The following HAS1 variants were observed in gnomAD, a reference collection of about 807,000 sequenced individuals.
HAS1 encodes the protein HA synthase 1.
Under a neutral mutation model 35.0 loss-of-function variants are expected in HAS1, and 27 were observed. The observed-to-expected ratio is 0.77, with a 90% confidence interval of 0.57 to 1.06. The LOEUF (loss-of-function observed/expected upper bound fraction) is 1.06, where lower values mean the gene tolerates loss of function less well. Among genes scored for constraint, HAS1 ranks in the 50% least tolerant of loss-of-function variants. The probability of loss-of-function intolerance (pLI) is 0.00; values close to 1 mark genes in which losing one functional copy is unlikely to be tolerated. For synonymous variants in HAS1, 409 were observed against 371.2 expected (o/e 1.10, Z -1.17); for missense variants, 940 against 814.8 (o/e 1.15, Z -1.87).
intron 3 of HAS1, 24 bp from the exon 4 acceptor site, chr19:51,716,412 G>C (rs746580048): frequency 6.3e-7 from 1 of 1,597,322 alleles, no homozygotes; most frequent in Non-Finnish European, 8.5e-7. Flanking sequence ...AGGTGTGAAA[G>C]AGTGTCAGCC....
intron 1 of HAS1, 22 bp downstream of exon 1, chr19:51,723,903 A>ACACG (rs2083648075): frequency 3.5e-6 from 5 of 1,432,290 alleles, no homozygotes; most frequent in Non-Finnish European, 4.7e-6. Flanking sequence ...ACACACACAC[A>ACACG]CACACACACA....
intron 4 of HAS1, among the ~76,000 whole-genome samples, chr19:51,714,490 A>G (rs1213559080): frequency 6.8e-6 from 1 of 147,790 alleles, no homozygotes; most frequent in Non-Finnish European, 1.5e-5. Flanking sequence ...AGAGTTTGAG[A>G]TCAGCCTAGG....
At chr19:51,715,135 T>G (rs1196334863) in intron 4 of HAS1, among the ~76,000 whole-genome samples, 1 of 152,162 alleles carries the variant, frequency 6.6e-6, no homozygotes, top group African/African-American at 2.4e-5. Flanking sequence ...CCTTCCCCTG[T>G]GTCACTTGGC....
In HAS1 at chr19:51,719,561, G is replaced by A; in HGVS notation, c.344C>T (p.Ala115Val). 6.5e-7 allele frequency: 1 copy of A among 1,545,526 alleles called. No homozygotes were observed. Among genetic ancestry groups the A allele is most frequent in the Middle Eastern group, 1.7e-4 (1 of 5,846 alleles). ...CGGGTACAGCAGGGCGCGGGCGGAC[G>A]CCAGGCACTGGCGCAGGTACGCGGG... ...EDPAYLRQCL[A>V]SARALLYPRA... is the part of the protein sequence containing the mutation. The change falls in exon 2 of 5, where the codon GCG becomes GTG. Residue 115 changes from alanine (A) to valine (V), a missense_variant. By Grantham distance (64) the Ala-to-Val change is moderately conservative (BLOSUM62 0). Coordinates refer to ENST00000540069, the MANE Select transcript of HAS1 (RefSeq NM_001297436.2).
In HAS1 at chr19:51,716,137, C is replaced by G. The variant is rs535588998; in HGVS notation, c.1058+119G>C. On this transcript the variant is annotated intron_variant, in intron 4 of 4. Transcript: ENST00000540069. Reference sequence around the variant, plus strand: ...TCCTCCTCTCTCCTCTAAAGTCTCACTTGATAGAGCCCATTGTCTGGTGAG... The same window carrying G: ...TCCTCCTCTCTCCTCTAAAGTCTCAGTTGATAGAGCCCATTGTCTGGTGAG... 44 of 907,118 alleles carry G rather than the reference C, an allele frequency of 4.9e-5. No individual in the cohort carries two copies. In the African/African-American group the frequency reaches 6.6e-4, roughly 14 times the overall value. The allele number at this position is 907,118 out of a possible 1,614,324, so 56.2% of individuals were successfully genotyped here. A position where few individuals can be genotyped will look rare whatever the true frequency, so the allele number is the denominator to read the frequency against.
chr19:51,714,577 G>C (rs1201284938), intron 4 of HAS1, among the ~76,000 whole-genome samples: 2 of 147,214 alleles, frequency 1.4e-5, no homozygotes, highest in African/African-American at 2.5e-5. Flanking sequence ...TGTAGTCCCA[G>C]CTATTTGGGA....
At chr19:51,717,271 C>T (rs1052385173) in intron 2 of HAS1, 78 bp from the exon 3 acceptor site, 27 of 965,170 alleles carry the variant, frequency 2.8e-5, no homozygotes, top group Non-Finnish European at 2.4e-5. Context: ...TCAAGGGGTG[C>T]AATGCAGCTG....
chr19:51,716,751 A>G (rs934905340), intron 3 of HAS1, among the ~76,000 whole-genome samples: 2 of 151,656 alleles, frequency 1.3e-5, no homozygotes, highest in Non-Finnish European at 2.9e-5. Flanking sequence ...CCCAGCCCCA[A>G]TCGTCATCCA....
chr19:51,713,798 GGCAGCCCC>G lies in HAS1; in HGVS notation c.1355_1362del (p.Arg452ProfsTer44), dbSNP rs2083560776. 6.2e-7 allele frequency: 1 copy of G among 1,605,932 alleles called. No individual in the cohort carries two copies. On this transcript the variant is annotated frameshift_variant, in exon 5 of 5. Coordinates refer to ENST00000540069, the MANE Select transcript of HAS1 (RefSeq NM_001297436.2). LOFTEE classifies it low-confidence loss of function (END_TRUNC). This position sits in a 1 kb window ranked among gnomAD's most constrained non-coding sequence, Gnocchi z 4.5. Reference sequence around the variant, plus strand: ...TAGAGCGACAGAAGCACCATGCGCAGGCAGCCCCGCAGCCAGGCCGCGAAGGCCGCCTT... The same window carrying G: ...TAGAGCGACAGAAGCACCATGCGCAGGCAGCCAGGCCGCGAAGGCCGCCTT...
Position 51,716,982 on chromosome 19 carries a change from A to T in HAS1, c.911T>A (p.Ile304Asn). 1 of 1,612,048 alleles carries T rather than the reference A, an allele frequency of 6.2e-7. No individual in the cohort carries two copies. The highest frequency in any genetic ancestry group is 1.1e-5 in the South Asian group (1 of 91,032). Residue 304 changes from isoleucine to asparagine, a missense_variant, in exon 3 of 5, where the codon ATC (isoleucine) becomes AAC (asparagine). Transcript: ENST00000540069. ...CCCCTGCTTACCTAGAGGACCGCTGATGCAGGATACACAGTGGAAGTAGCT... is the reference window on the plus strand; with the variant it reads ...CCCCTGCTTACCTAGAGGACCGCTGTTGCAGGATACACAGTGGAAGTAGCT... ...CQSYFHCVSC[I>N]SGPLGLYRNN...
At chr19:51,720,662 T>TAAA (rs71852974) in intron 1 of HAS1, among the ~76,000 whole-genome samples, 8 of 147,868 alleles carry the variant, frequency 5.4e-5, no homozygotes, top group African/African-American at 1.7e-4. Context: ...CCTTGCTAAT[T>TAAA]AAAAAAAAAA....
At chr19:51,714,256 AATGGTTCC>A (rs1343268840) in intron 4 of HAS1, 154 bp from the exon 5 acceptor site, 12 of 1,266,230 alleles carry the variant, frequency 9.5e-6, no homozygotes, top group African/African-American at 4.5e-5. Flanking sequence ...TAGGGTGGAT[AATGGTTCC>A]TAGGCCTGGA....
intron 1 of HAS1, among the ~76,000 whole-genome samples, chr19:51,722,878 G>C (rs2083640203): frequency 6.6e-6 from 1 of 152,104 alleles, no homozygotes; most frequent in Non-Finnish European, 1.5e-5. Context: ...TCACCTGTTT[G>C]TTTTTACTTT....
chr19:51,721,898 C>T (rs1473372623), intron 1 of HAS1, among the ~76,000 whole-genome samples: 1 of 152,136 alleles, frequency 6.6e-6, no homozygotes, highest in Admixed American at 6.5e-5. Flanking sequence ...CTACTGCACC[C>T]GGTCTCTACA....
chr19:51,719,568 A>C lies in HAS1; in HGVS notation c.337T>G (p.Cys113Gly). 1.9e-6 allele frequency: 3 copies of C among 1,545,096 alleles called. No homozygotes were observed. Among genetic ancestry groups the C allele is most frequent in the Non-Finnish European group, 1.7e-6 (2 of 1,144,598 alleles). ...AGCAGGGCGCGGGCGGACGCCAGGCACTGGCGCAGGTACGCGGGGTCCTCC... is the reference window on the plus strand; with the variant it reads ...AGCAGGGCGCGGGCGGACGCCAGGCCCTGGCGCAGGTACGCGGGGTCCTCC... ...YQEDPAYLRQCLASARALLYP... is the reference protein window; with the variant it reads ...YQEDPAYLRQGLASARALLYP... The change falls in exon 2 of 5, where the codon TGC becomes GGC. Residue 113 changes from cysteine (C) to glycine (G), a missense_variant. By Grantham distance (159) the Cys-to-Gly change is radical. Transcript: ENST00000540069.
rs754654499 is a variant in HAS1 at position 51,717,079 on chromosome 19, G to A, written c.814C>T (p.Leu272=). Residue 272 remains leucine (L), a synonymous_variant, in exon 3 of 5, where the codon CTG becomes TTG. Coordinates refer to ENST00000540069, the MANE Select transcript of HAS1 (RefSeq NM_001297436.2). The part of the protein sequence containing the change: ...VGGDVRILNP[L]DSWVSFLSSL... ...CTTAGGAAGCTGACCCAGGAGTCCA[G>A]AGGGTTAAGGATCCGCACGTCCCCA... 8 of 1,613,982 alleles carry A rather than the reference G, an allele frequency of 5.0e-6. No individual in the cohort carries two copies. The highest frequency in any genetic ancestry group is 6.8e-6 in the Non-Finnish European group (8 of 1,179,892).
rs45625331 is a variant in HAS1 at position 51,713,921 on chromosome 19, C to T, written c.1240G>A (p.Val414Met). The change falls in exon 5 of 5, where the codon GTG (valine) becomes ATG (methionine). Residue 414 changes from valine to methionine, a missense_variant. Transcript: ENST00000540069. This position sits in a 1 kb window ranked among gnomAD's most constrained non-coding sequence, Gnocchi z 4.5. ...AVVSGLFPFF[V>M]AATVLRLFYA... Reference sequence around the variant, plus strand: ...AACAGACGCAGCACAGTGGCCGCCACGAAGAAGGGGAACAGGCCGGAGACC... The same window carrying T: ...AACAGACGCAGCACAGTGGCCGCCATGAAGAAGGGGAACAGGCCGGAGACC... 4.7e-3 allele frequency: 7,494 copies of T among 1,608,408 alleles called. 24 individuals are homozygous for T. Among genetic ancestry groups the T allele is most frequent in the Non-Finnish European group, 5.2e-3 (6,177 of 1,179,990 alleles).
chr19:51,718,236 C>CAAA (rs149683841), intron 2 of HAS1, among the ~76,000 whole-genome samples: 1 of 126,818 alleles, frequency 7.9e-6, no homozygotes, highest in Non-Finnish European at 1.7e-5. Flanking sequence ...GATTCCATCT[C>CAAA]AAAAAAAAAA....
rs1284644379 is a variant in HAS1, at chr19:51,719,397, C to T, written c.508G>A (p.Glu170Lys). The T allele has an allele frequency of 6.4e-7, 1 of 1,574,534 alleles. No individual in the cohort carries two copies. The highest frequency in any genetic ancestry group is 1.1e-5 in the South Asian group (1 of 87,334). ...CCCACCGCGCCCGCCGCCGCGGGTT[C>T]CCAGGGCTGGTGGTAGTTGCCGTCC... Reference protein sequence around the residue: ...VWDGNYHQPWEPAAAGAVGAG... With the variant: ...VWDGNYHQPWKPAAAGAVGAG... Residue 170 changes from glutamate to lysine, a missense_variant, in exon 2 of 5, where the codon GAA (glutamate) becomes AAA (lysine). Transcript: ENST00000540069.
Sources: gnomAD v4.1 joint callset for allele counts (sites outside exome capture counted in the v4.1 genomes callset) on GRCh38, gnomAD v4.1.1 for gene constraint, Gnocchi (gnomAD v3.1) non-coding constraint, MANE v1.5 for transcripts, NCBI Gene and HGNC (gene_info 2026-07-23, HGNC 2026-07-21) for gene names.